Variants in ASIC1 observed in about 807,000 individuals in gnomAD.
The protein encoded by ASIC1 is acid sensing ion channel subunit 1, also known as acid-sensing ion channel 1.
A neutral mutation model predicts 63.4 loss-of-function variants in ASIC1; 21 were observed. The ratio of observed to expected loss-of-function variants is 0.33; its 90% CI spans 0.23 to 0.48. The LOEUF is 0.48. Among genes scored for constraint, ASIC1 ranks in the 20% least tolerant of loss-of-function variants. ASIC1 has a pLI of 0.99. For missense variants in ASIC1, 478 were observed against 695.5 expected, an observed-to-expected ratio of 0.69 and a Z score of 3.52; for synonymous variants, 258 against 278.2, an observed-to-expected ratio of 0.93 and a Z score of 0.72.
At chr12:50,080,737 G>C (rs890355527) in intron 9 of ASIC1, 148 bp downstream of exon 9, 16 of 1,607,032 alleles carry the variant, frequency 1.0e-5, no homozygotes, top group Non-Finnish European at 1.4e-5. Context: ...GGTAAGTGGT[G>C]AGGGAAGGGA....
chr12:50,080,212 G>A, intron 8 of ASIC1, 157 bp downstream of exon 8: 1 of 1,024,336 alleles, frequency 9.8e-7, no homozygotes, highest in Non-Finnish European at 1.4e-6. Flanking sequence ...GGGTATGCAG[G>A]GAAGATCAAG....
chr12:50,078,987 G>A lies in ASIC1; in HGVS notation c.1051+7G>A, dbSNP rs374586628. The A allele has an allele frequency of 3.2e-5, 51 of 1,613,024 alleles. No homozygotes were observed. Among genetic ancestry groups the A allele is most frequent in the Admixed American group, 2.7e-4 (16 of 59,950 alleles). ...TGTGCAGATCCTGCTCTGGGTGAGCGCCCCTGGCCTGGGGCAGTCTGGGGG... is the reference window on the plus strand; with the variant it reads ...TGTGCAGATCCTGCTCTGGGTGAGCACCCCTGGCCTGGGGCAGTCTGGGGG... On this transcript the variant is annotated splice_region_variant and intron_variant, in intron 7 of 11. Coordinates refer to ENST00000447966, the MANE Select transcript of ASIC1 (RefSeq NM_001095.4). The surrounding 1 kb of genome is among the most constrained non-coding windows in gnomAD (Gnocchi z 6.0).
rs1422100776 is a variant in ASIC1 at position 50,078,413 on chromosome 12, C to T, written c.838-8C>T. On this transcript the variant is annotated splice_region_variant and splice_polypyrimidine_tract_variant and intron_variant, in intron 5 of 11. Coordinates refer to ENST00000447966, the MANE Select transcript of ASIC1 (RefSeq NM_001095.4). This position sits in a 1 kb window ranked among gnomAD's most constrained non-coding sequence, Gnocchi z 6.0. ...CGCACTCCCCCAGCTCCCCGGCTCTCCCAGCAGCTCATCTACCTGCCCCCA... is the reference window on the plus strand; with the variant it reads ...CGCACTCCCCCAGCTCCCCGGCTCTTCCAGCAGCTCATCTACCTGCCCCCA... 2 of 1,613,832 alleles carry T rather than the reference C, an allele frequency of 1.2e-6. No individual in the cohort carries two copies. The highest frequency in any genetic ancestry group is 1.7e-6 in the Non-Finnish European group (2 of 1,179,840).
At position 50,081,589 on chromosome 12, in the gene ASIC1, C is replaced by T. The variant is rs763032194; in HGVS notation, c.1527C>T (p.Tyr509=). Residue 509 remains tyrosine, a synonymous_variant, in exon 12 of 12, where the codon TAC becomes TAT. Coordinates refer to ENST00000447966, the MANE Select transcript of ASIC1 (RefSeq NM_001095.4). ...SLRGHPAGMT[Y]AANILPHHPA... ...GGGGCCACCCTGCCGGGATGACATA[C>T]GCTGCCAACATCCTACCTCACCATC... The T allele has an allele frequency of 4.3e-6, 7 of 1,613,982 alleles. No individual in the cohort carries two copies. Among genetic ancestry groups the T allele is most frequent in the South Asian group, 1.1e-5 (1 of 91,090 alleles).
intron 3 of ASIC1, among the ~76,000 whole-genome samples, chr12:50,068,660 G>T (rs1592270761): frequency 6.6e-6 from 1 of 151,242 alleles, no homozygotes; most frequent in Non-Finnish European, 1.5e-5. Context: ...AAACCTGCAT[G>T]TGCAAAACCA....
At chr12:50,062,089 GT>G (rs1950506041) in intron 3 of ASIC1, among the ~76,000 whole-genome samples, 1 of 152,164 alleles carries the variant, frequency 6.6e-6, no homozygotes, top group Non-Finnish European at 1.5e-5. Context: ...GCTCTCTTCA[GT>G]TGGTTTCATT....
At position 50,058,799 on chromosome 12, in the gene ASIC1, T is replaced by A; in HGVS notation, c.33T>A (p.Gly11=). 6.3e-7 allele frequency: 1 copy of A among 1,595,846 alleles called. No homozygotes were observed. The highest frequency in any genetic ancestry group is 8.6e-7 in the Non-Finnish European group (1 of 1,167,736). Reference sequence around the variant, plus strand: ...TGAAGGCCGAGGAGGAGGAGGTGGGTGGCGTCCAGCCGGTGAGCATCCAGG... The same window carrying A: ...TGAAGGCCGAGGAGGAGGAGGTGGGAGGCGTCCAGCCGGTGAGCATCCAGG... The part of the protein sequence containing the change: MELKAEEEEV[G]GVQPVSIQAF... Residue 11 remains glycine (G), a synonymous_variant, in exon 2 of 12, where the codon GGT becomes GGA. Transcript: ENST00000447966.
chr12:50,059,747 C>T lies in ASIC1; in HGVS notation c.363-12C>T, dbSNP rs1201754481. On this transcript the variant is annotated splice_polypyrimidine_tract_variant and intron_variant, in intron 2 of 11. Transcript: ENST00000447966. The surrounding 1 kb of genome is among the most constrained non-coding windows in gnomAD (Gnocchi z 4.6). ...TGTACTGACCCGTGTGTCACTCACCCCCGGACCCCAGGTATGAGATACCAG... is the reference window on the plus strand; with the variant it reads ...TGTACTGACCCGTGTGTCACTCACCTCCGGACCCCAGGTATGAGATACCAG... The T allele has an allele frequency of 1.2e-6, 2 of 1,610,516 alleles. No individual in the cohort carries two copies. The highest frequency in any genetic ancestry group is 3.4e-5 in the Admixed American group (2 of 59,552).
intron 7 of ASIC1, 135 bp from the exon 8 acceptor site, chr12:50,079,767 C>G: frequency 9.0e-7 from 1 of 1,111,612 alleles, no homozygotes; most frequent in Non-Finnish European, 1.3e-6. Context: ...GTTTAGCATC[C>G]AGGCAGGGTG....
Position 50,059,982 on chromosome 12 carries a change from C to A in ASIC1, c.558+28C>A, listed in dbSNP as rs1453227508. Reference sequence around the variant, plus strand: ...GAGTCCCCTCGTGTGGGGTGTGAGTCAGCCTGGCCCACAGAGGAGGAGGAG... The same window carrying A: ...GAGTCCCCTCGTGTGGGGTGTGAGTAAGCCTGGCCCACAGAGGAGGAGGAG... On this transcript the variant is annotated intron_variant, in intron 3 of 11. Coordinates refer to ENST00000447966, the MANE Select transcript of ASIC1 (RefSeq NM_001095.4). This position sits in a 1 kb window ranked among gnomAD's most constrained non-coding sequence, Gnocchi z 4.6. 2 of 1,608,406 alleles carry A rather than the reference C, an allele frequency of 1.2e-6. No individual in the cohort carries two copies. Among genetic ancestry groups the A allele is most frequent in the South Asian group, 1.1e-5 (1 of 90,926 alleles).
chr12:50,079,047 T>C (rs1950687912), intron 7 of ASIC1, 67 bp downstream of exon 7: 1 of 1,504,928 alleles, frequency 6.6e-7, no homozygotes, highest in Admixed American at 1.7e-5. Flanking sequence ...TGCGCAGGAG[T>C]TTCAGGTCAC....
chr12:50,064,231 A>G (rs1157846817), intron 3 of ASIC1, among the ~76,000 whole-genome samples: 1 of 148,810 alleles, frequency 6.7e-6, no homozygotes, highest in Admixed American at 6.6e-5. Context: ...TATCCTTCTC[A>G]TCTGTCCCTC....
intron 3 of ASIC1, among the ~76,000 whole-genome samples, chr12:50,063,519 C>T (rs1439507598): frequency 6.6e-6 from 1 of 152,104 alleles, no homozygotes; most frequent in Non-Finnish European, 1.5e-5. Context: ...TGGTGTGACT[C>T]ATAATCTCTC....
chr12:50,063,518 T>C, intron 3 of ASIC1, among the ~76,000 whole-genome samples: 1 of 152,096 alleles, frequency 6.6e-6, no homozygotes, highest in South Asian at 2.1e-4. Context: ...GTGGTGTGAC[T>C]CATAATCTCT....
intron 11 of ASIC1, 31 bp downstream of exon 11, chr12:50,081,395 C>T: frequency 6.4e-7 from 1 of 1,555,664 alleles, no homozygotes; most frequent in Non-Finnish European, 8.7e-7. Context: ...GCCCTCCAGC[C>T]CGCCTGTGCC....
At chr12:50,080,794 T>C in intron 9 of ASIC1, 2 of 1,428,344 alleles carry the variant, frequency 1.4e-6, no homozygotes, top group Non-Finnish European at 1.9e-6. Context: ...AAGACAGGCC[T>C]GTGGGCATGA....
In ASIC1 at chr12:50,058,983, C is replaced by T; in HGVS notation, c.217C>T (p.His73Tyr). The change falls in exon 2 of 12, where the codon CAT (histidine) becomes TAT (tyrosine). Residue 73 changes from histidine (H) to tyrosine (Y), a missense_variant. By Grantham distance (83) the His-to-Tyr change is moderately conservative. This residue lies in a region of ASIC1 where 290 missense variants were observed against 414.9 expected (regional missense o/e 0.70). Coordinates refer to ENST00000447966, the MANE Select transcript of ASIC1 (RefSeq NM_001095.4). The part of the protein sequence containing the change: ...ERVQYYFHYH[H>Y]VTKLDEVAAS... ...TGTGCAGTACTACTTCCACTACCAC[C>T]ATGTCACCAAGCTCGACGAGGTGGC... is the stretch of plus-strand genomic sequence containing the variant. 1 of 1,614,206 alleles carries T rather than the reference C, an allele frequency of 6.2e-7. No homozygotes were observed. Among genetic ancestry groups the T allele is most frequent in the Non-Finnish European group, 8.5e-7 (1 of 1,180,024 alleles).
chr12:50,081,025 C>A, intron 9 of ASIC1, 77 bp from the exon 10 acceptor site: 1 of 1,312,156 alleles, frequency 7.6e-7, no homozygotes, highest in South Asian at 1.3e-5. Flanking sequence ...TACAACTTGC[C>A]TGCCCCAGTC....
chr12:50,062,623 C>T (rs1370209777), intron 3 of ASIC1, among the ~76,000 whole-genome samples: 3 of 152,042 alleles, frequency 2.0e-5, no homozygotes, highest in African/African-American at 4.8e-5. Flanking sequence ...GTATAGCGTG[C>T]GGGGGCACGT....
Sources: allele counts gnomAD v4.1 joint callset (sites outside exome capture counted in the v4.1 genomes callset), GRCh38; gene constraint gnomAD v4.1.1; regional missense constraint gnomAD v4.1.1; non-coding constraint Gnocchi (gnomAD v3.1); transcripts MANE v1.5; gene names NCBI Gene and HGNC (gene_info 2026-07-23, HGNC 2026-07-21).